The following SLC4A4 variants were observed in gnomAD, a reference collection of about 807,000 sequenced individuals.
The protein encoded by SLC4A4 is solute carrier family 4 member 4, also known as electrogenic sodium bicarbonate cotransporter 1.
In SLC4A4, 27 loss-of-function variants were observed where a neutral mutation model predicts 111.5. The ratio of observed to expected loss-of-function variants is 0.24; its 90% CI spans 0.18 to 0.33. SLC4A4 has a LOEUF of 0.33. Ranked by LOEUF, SLC4A4 falls within the 10% of genes least tolerant of loss-of-function variation. The pLI, the probability that SLC4A4 is intolerant of heterozygous loss-of-function variation, is 1.00. For synonymous variants in SLC4A4, 443 were observed against 463.4 expected (o/e 0.96, Z 0.57); for missense variants, 909 against 1,315.5 (o/e 0.69, Z 4.78).
chr4:71,222,926 T>C (rs1313064888), intron 1 of SLC4A4, among the ~76,000 whole-genome samples: 2 of 152,176 alleles, frequency 1.3e-5, no homozygotes, highest in African/African-American at 4.8e-5. Context: ...AGTGGGTTTG[T>C]GCTTTGGTGG....
At chr4:71,146,354 T>C (rs1744170354) in intron 2 of SLC4A4, among the ~76,000 whole-genome samples, 1 of 152,070 alleles carries the variant, frequency 6.6e-6, no homozygotes, top group South Asian at 2.1e-4. Flanking sequence ...TGCTGAGGAG[T>C]GCTTTACTTC....
At chr4:71,187,557 T>A (rs1745530707) in intron 1 of SLC4A4, among the ~76,000 whole-genome samples, 156 bp downstream of exon 1, 1 of 152,130 alleles carries the variant, frequency 6.6e-6, no homozygotes, top group South Asian at 2.1e-4. Flanking sequence ...GGGCCGGGCA[T>A]CCCCTGAGCT....
At chr4:71,556,563 AC>A (rs1578181461) in intron 21 of SLC4A4, among the ~76,000 whole-genome samples, 1 of 151,958 alleles carries the variant, frequency 6.6e-6, no homozygotes, top group Admixed American at 6.6e-5. Context: ...GGGAAAAACA[AC>A]CAGGGTCCAG....
At chr4:71,340,229 A>G (rs1728788117) in intron 4 of SLC4A4, among the ~76,000 whole-genome samples, 3 of 152,114 alleles carry the variant, frequency 2.0e-5, no homozygotes. Flanking sequence ...GCCTCAAAAA[A>G]TTAAATGAAA....
At position 71,313,098 on chromosome 4, in the gene SLC4A4, A is replaced by G. The variant is rs369086299; in HGVS notation, c.254-26272A>G. ...AGCAAAGTCTCAGGATACAAAATCA[A>G]TGTGCAAAAATCACAAGCATTCCCA... is the stretch of plus-strand genomic sequence containing the variant. On this transcript the variant is annotated intron_variant, in intron 3 of 25. Coordinates refer to ENST00000264485, the MANE Select transcript of SLC4A4 (RefSeq NM_001098484.3). 5.3e-5 allele frequency among the ~76,000 whole-genome samples: 8 copies of G among 152,372 alleles called. No homozygotes were observed. In the East Asian group the frequency reaches 1.2e-3, roughly 22 times the overall value.
chr4:71,457,736 T>G (rs148281573), intron 12 of SLC4A4, among the ~76,000 whole-genome samples: 1 of 152,094 alleles, frequency 6.6e-6, no homozygotes, highest in Non-Finnish European at 1.5e-5. Flanking sequence ...TCTGTAACCA[T>G]GCATGCCAAC....
intron 6 of SLC4A4, among the ~76,000 whole-genome samples, chr4:71,370,558 C>T (rs1247833318): frequency 2.0e-5 from 3 of 152,146 alleles, no homozygotes; most frequent in Non-Finnish European, 4.4e-5. Context: ...GCAAATTACT[C>T]TTTTACCGTA....
intron 18 of SLC4A4, among the ~76,000 whole-genome samples, chr4:71,536,480 A>ATATATG (rs1553928638): frequency 1.2e-3 from 120 of 99,122 alleles, no homozygotes; most frequent in African/African-American, 4.1e-3. Context: ...ATATATATAT[A>ATATATG]TATATATGTA....
At chr4:71,193,971 A>G (rs967648325) in intron 1 of SLC4A4, among the ~76,000 whole-genome samples, 5 of 152,224 alleles carry the variant, frequency 3.3e-5, no homozygotes, top group Non-Finnish European at 5.9e-5. Flanking sequence ...TCCCTAAAAA[A>G]TAAAAAACCC....
At chr4:71,362,147 ACTT>A (rs1730852349) in intron 6 of SLC4A4, among the ~76,000 whole-genome samples, 1 of 152,082 alleles carries the variant, frequency 6.6e-6, no homozygotes, top group Non-Finnish European at 1.5e-5. Context: ...TTTTTTCCTA[ACTT>A]CTTCATTTTT....
intron 2 of SLC4A4, among the ~76,000 whole-genome samples, chr4:71,115,696 G>T (rs1743225782): frequency 1.3e-5 from 2 of 152,134 alleles, no homozygotes; most frequent in South Asian, 4.1e-4. Context: ...AAACAAATGA[G>T]AATTCAGTAA....
At chr4:71,156,584 G>GCA (rs1197617607) in intron 2 of SLC4A4, among the ~76,000 whole-genome samples, 66 of 112,492 alleles carry the variant, frequency 5.9e-4, no homozygotes, top group African/African-American at 1.9e-3. Flanking sequence ...GCGCGCGCGC[G>GCA]CGCGCACACA....
chr4:71,239,710 T>C (rs1720056187), intron 2 of SLC4A4, among the ~76,000 whole-genome samples: 1 of 152,236 alleles, frequency 6.6e-6, no homozygotes, highest in Non-Finnish European at 1.5e-5. Context: ...ATTTTCTTCA[T>C]GTGTTAATGG....
intron 2 of SLC4A4, among the ~76,000 whole-genome samples, chr4:71,125,740 A>T (rs999108681): frequency 6.6e-6 from 1 of 152,240 alleles, no homozygotes; most frequent in African/African-American, 2.4e-5. Context: ...AGATATTAAT[A>T]AACTAAACAC....
At chr4:71,499,689 T>C (rs1730729106) in intron 16 of SLC4A4, among the ~76,000 whole-genome samples, 2 of 146,550 alleles carry the variant, frequency 1.4e-5, no homozygotes, top group South Asian at 4.5e-4. Flanking sequence ...CTGTCTGTGC[T>C]TGGCTCATTT....
chr4:71,391,576 G>GTACTT (rs1719273115), intron 6 of SLC4A4, among the ~76,000 whole-genome samples: 1 of 151,940 alleles, frequency 6.6e-6, no homozygotes, highest in African/African-American at 2.4e-5. Context: ...CTGCCAAGTG[G>GTACTT]GTACTTTGAA....
rs1355898475 is a variant in SLC4A4, at chr4:71,223,523, TGGG to T, written c.-1-13052_-1-13050del. Among the ~76,000 whole-genome samples the T allele has an allele frequency of 2.0e-5, 3 of 152,292 alleles. No individual in the cohort carries two copies. The East Asian group carries it at 5.8e-4, about 29-fold the overall frequency. Reference sequence around the variant, plus strand: ...TGTGCTCAATCAGGGTTGAGTGGAATGGGATTTAAAGAACTTATCAAGTATATA... The same window carrying T: ...TGTGCTCAATCAGGGTTGAGTGGAATATTTAAAGAACTTATCAAGTATATA... On this transcript the variant is annotated intron_variant, in intron 1 of 25. Transcript: ENST00000264485.
intron 2 of SLC4A4, among the ~76,000 whole-genome samples, chr4:71,130,022 C>T (rs996810295): frequency 6.6e-6 from 1 of 152,122 alleles, no homozygotes; most frequent in African/African-American, 2.4e-5. Context: ...AAAAAACTAC[C>T]TATGGGGTAC....
At chr4:71,073,472 G>A (rs79969918) in intron 1 of SLC4A4, among the ~76,000 whole-genome samples, 3,279 of 152,204 alleles carry the variant, frequency 0.022, 127 homozygotes, top group African/African-American at 0.074. Flanking sequence ...TGCCTCATAT[G>A]TTTGATTCTT....
Sources: allele counts gnomAD v4.1 joint callset (sites outside exome capture counted in the v4.1 genomes callset), GRCh38; gene constraint gnomAD v4.1.1; transcripts MANE v1.5; gene names NCBI Gene and HGNC (gene_info 2026-07-23, HGNC 2026-07-21).